Variants in LRP1B observed in about 807,000 individuals in gnomAD.
The protein encoded by LRP1B is LDL receptor related protein 1B, also known as low-density lipoprotein receptor-related protein 1B.
In LRP1B, 217 loss-of-function variants were observed where a neutral mutation model predicts 556.6. The observed-to-expected ratio is 0.39, with a 90% CI of 0.35 to 0.44. The LOEUF is 0.44. LRP1B is among the 20% of genes least tolerant of loss of function. LRP1B has a pLI of 1.00. For missense variants in LRP1B, 5,053 were observed against 5,620.8 expected (o/e 0.90, Z 3.23); for synonymous variants, 2,047 against 1,865.8 (o/e 1.10, Z -2.50).
intron 35 of LRP1B, among the ~76,000 whole-genome samples, chr2:140,755,586 A>C (rs1688717838): frequency 6.6e-6 from 1 of 151,956 alleles, no homozygotes; most frequent in Non-Finnish European, 1.5e-5. Flanking sequence ...TGATCATCTC[A>C]GTAGGTATGA....
intron 3 of LRP1B, among the ~76,000 whole-genome samples, chr2:141,278,626 T>C (rs1288658498): frequency 6.6e-6 from 1 of 152,114 alleles, no homozygotes; most frequent in East Asian, 1.9e-4. Flanking sequence ...TTCCCTTAGC[T>C]TATTTTTATT....
At chr2:140,531,039 C>T (rs1166465927) in intron 47 of LRP1B, among the ~76,000 whole-genome samples, 1 of 152,120 alleles carries the variant, frequency 6.6e-6, no homozygotes, top group Non-Finnish European at 1.5e-5. Context: ...ATTTAATAAA[C>T]ACCTACCATA....
chr2:141,290,828 T>C (rs1685915373), intron 3 of LRP1B, among the ~76,000 whole-genome samples: 1 of 152,150 alleles, frequency 6.6e-6, no homozygotes, highest in Admixed American at 6.5e-5. Flanking sequence ...GTGATTAATT[T>C]CTAAGTTCAC....
intron 41 of LRP1B, among the ~76,000 whole-genome samples, chr2:140,659,399 C>T (rs890799478): frequency 6.6e-6 from 1 of 151,896 alleles, no homozygotes; most frequent in African/African-American, 2.4e-5. Context: ...AGGTTCTACT[C>T]GATTACAGCT....
At chr2:141,279,356 G>T (rs1055516678) in intron 3 of LRP1B, among the ~76,000 whole-genome samples, 4 of 152,032 alleles carry the variant, frequency 2.6e-5, no homozygotes, top group African/African-American at 9.7e-5. Context: ...CTAACACCAA[G>T]TCTTACAGTA....
chr2:140,375,854 T>A (rs1163709834), intron 68 of LRP1B, among the ~76,000 whole-genome samples: 1 of 152,106 alleles, frequency 6.6e-6, no homozygotes, highest in Non-Finnish European at 1.5e-5. Context: ...TACAATTAGA[T>A]TGAACCATAT....
chr2:140,304,703 T>A (rs1447562567), intron 83 of LRP1B, among the ~76,000 whole-genome samples: 1 of 152,212 alleles, frequency 6.6e-6, no homozygotes, highest in Non-Finnish European at 1.5e-5. Flanking sequence ...CCATTGCTTT[T>A]GGTGTTTTAG....
chr2:140,598,517 A>T, intron 43 of LRP1B, 114 bp downstream of exon 43: 1 of 749,888 alleles, frequency 1.3e-6, no homozygotes, highest in South Asian at 1.8e-5. Flanking sequence ...GATTGTTTCA[A>T]TCAACTGGCT....
intron 1 of LRP1B, among the ~76,000 whole-genome samples, chr2:142,008,632 T>C (rs1233173187): frequency 1.3e-5 from 2 of 152,116 alleles, no homozygotes; most frequent in Non-Finnish European, 2.9e-5. Flanking sequence ...TTTCTTTTAC[T>C]GAACTCTTTA....
At chr2:141,840,492 C>T (rs1310477605) in intron 1 of LRP1B, among the ~76,000 whole-genome samples, 2 of 151,718 alleles carry the variant, frequency 1.3e-5, no homozygotes, top group Non-Finnish European at 2.9e-5. Flanking sequence ...CTCCTGACCT[C>T]GTGATCCGCC....
At chr2:140,785,598 T>C (rs996790288) in intron 32 of LRP1B, among the ~76,000 whole-genome samples, 6 of 152,088 alleles carry the variant, frequency 3.9e-5, no homozygotes, top group Non-Finnish European at 8.8e-5. Context: ...CCTAGGAATT[T>C]GGGAAGGGTG....
At chr2:141,904,737 T>C (rs1408024950) in intron 1 of LRP1B, among the ~76,000 whole-genome samples, 1 of 151,934 alleles carries the variant, frequency 6.6e-6, no homozygotes, top group Non-Finnish European at 1.5e-5. Context: ...TGAAATATTT[T>C]GGTCAAGGCA....
intron 2 of LRP1B, among the ~76,000 whole-genome samples, chr2:141,691,549 C>A (rs1183813159): frequency 1.4e-5 from 2 of 147,422 alleles, no homozygotes; most frequent in Non-Finnish European, 3.0e-5. Flanking sequence ...GATCCCAGCC[C>A]TGAAGGATCC....
chr2:142,028,547 A>G (rs1262859255), intron 1 of LRP1B, among the ~76,000 whole-genome samples: 2 of 152,016 alleles, frequency 1.3e-5, no homozygotes, highest in Non-Finnish European at 2.9e-5. Flanking sequence ...CTATGGATGT[A>G]CCATAGTTCA....
At chr2:140,694,652 G>T (rs1045702556) in intron 41 of LRP1B, among the ~76,000 whole-genome samples, 1 of 151,966 alleles carries the variant, frequency 6.6e-6, no homozygotes, top group African/African-American at 2.4e-5. Flanking sequence ...TCTATCATCT[G>T]TCTCTTCTTT....
chr2:140,512,802 T>C (rs1203999010), intron 51 of LRP1B, among the ~76,000 whole-genome samples: 1 of 152,174 alleles, frequency 6.6e-6, no homozygotes, highest in African/African-American at 2.4e-5. Flanking sequence ...GAACGATCTT[T>C]TGTACTCCAA....
chr2:140,487,531 A>G, intron 58 of LRP1B, 86 bp downstream of exon 58: 1 of 1,317,522 alleles, frequency 7.6e-7, no homozygotes, highest in South Asian at 1.2e-5. Context: ...TATGAGTAAT[A>G]TCATGGTCAT....
intron 41 of LRP1B, among the ~76,000 whole-genome samples, chr2:140,659,728 G>A (rs564781656): frequency 2.6e-5 from 4 of 151,968 alleles, no homozygotes; most frequent in South Asian, 4.2e-4. Flanking sequence ...AATATAAAAC[G>A]ATACAATTTA....
intron 3 of LRP1B, among the ~76,000 whole-genome samples, chr2:141,255,783 T>G (rs891030817): frequency 2.7e-4 from 41 of 151,804 alleles, no homozygotes; most frequent in African/African-American, 9.9e-4. Context: ...CTCCTTGGAT[T>G]TCACAGTTAG....
Sources: gnomAD v4.1 joint callset for allele counts (sites outside exome capture counted in the v4.1 genomes callset) on GRCh38, gnomAD v4.1.1 for gene constraint, MANE v1.5 for transcripts, NCBI Gene and HGNC (gene_info 2026-07-23, HGNC 2026-07-21) for gene names.